Variants in RALGAPA2 observed in about 807,000 individuals in gnomAD.
The protein encoded by RALGAPA2 is Ral GTPase activating protein catalytic subunit alpha 2, also known as ral GTPase-activating protein subunit alpha-2.
RALGAPA2 carries 139 observed loss-of-function variants against 230.4 expected under a neutral mutation model. The ratio of observed to expected loss-of-function variants is 0.60; its 90% CI spans 0.53 to 0.69. RALGAPA2 has a LOEUF of 0.69. Ranked by LOEUF, RALGAPA2 falls within the 30% of genes least tolerant of loss-of-function variation. RALGAPA2 has a pLI of 0.00. For missense variants in RALGAPA2, 2,163 were observed against 2,276.0 expected (o/e 0.95, Z 1.01); for synonymous variants, 847 against 837.8 (o/e 1.01, Z -0.19).
At chr20:20,500,670 T>C (rs903497840) in intron 35 of RALGAPA2, among the ~76,000 whole-genome samples, 3 of 152,218 alleles carry the variant, frequency 2.0e-5, no homozygotes, top group Admixed American at 2.0e-4. Flanking sequence ...CTTGATATCT[T>C]GATCTGTTCC....
intron 38 of RALGAPA2, among the ~76,000 whole-genome samples, chr20:20,397,148 G>C (rs903085275): frequency 1.3e-5 from 2 of 152,220 alleles, no homozygotes; most frequent in African/African-American, 4.8e-5. Context: ...TTCAATGGAT[G>C]ACCTGAAAAA....
intron 37 of RALGAPA2, among the ~76,000 whole-genome samples, chr20:20,436,235 C>T (rs910153556): frequency 6.6e-6 from 1 of 152,140 alleles, no homozygotes; most frequent in African/African-American, 2.4e-5. Flanking sequence ...GCTTCCAGGA[C>T]CCTTCAAATA....
chr20:20,576,277 T>G (rs2064817447), intron 20 of RALGAPA2, among the ~76,000 whole-genome samples: 1 of 152,130 alleles, frequency 6.6e-6, no homozygotes, highest in Non-Finnish European at 1.5e-5. Flanking sequence ...CATTGAGATT[T>G]CCTTAGTTTT....
rs539145662 is a variant in RALGAPA2, at chr20:20,536,398, T to C, written c.3414+258A>G. On this transcript the variant is annotated intron_variant, in intron 25 of 39. Coordinates refer to ENST00000202677, the MANE Select transcript of RALGAPA2 (RefSeq NM_020343.4). ...CAAAGGGCAATTCACTACATGATTATGATCCTTAGGTCCAATAAACAGGTA... is the reference window on the plus strand; with the variant it reads ...CAAAGGGCAATTCACTACATGATTACGATCCTTAGGTCCAATAAACAGGTA... 3.3e-5 allele frequency among the ~76,000 whole-genome samples: 5 copies of C among 152,362 alleles called. No individual in the cohort carries two copies. The East Asian group carries it at 7.7e-4, about 23-fold the overall frequency.
chr20:20,490,150 T>G (rs940793624), intron 36 of RALGAPA2, among the ~76,000 whole-genome samples: 1 of 152,204 alleles, frequency 6.6e-6, no homozygotes, highest in African/African-American at 2.4e-5. Context: ...ATAAACGTTC[T>G]TTAGTATTCT....
At chr20:20,651,236 A>G (rs2067384957) in intron 4 of RALGAPA2, among the ~76,000 whole-genome samples, 1 of 152,222 alleles carries the variant, frequency 6.6e-6, no homozygotes. Context: ...AGTAAAGATC[A>G]CTGTAGAAGC....
At chr20:20,669,688 T>C (rs1408123716) in intron 3 of RALGAPA2, among the ~76,000 whole-genome samples, 1 of 152,226 alleles carries the variant, frequency 6.6e-6, no homozygotes, top group African/African-American at 2.4e-5. Context: ...GTCGCTCCCT[T>C]TCCTCTTTGC....
chr20:20,659,243 C>G (rs1278296298), intron 3 of RALGAPA2, among the ~76,000 whole-genome samples: 1 of 152,154 alleles, frequency 6.6e-6, no homozygotes, highest in Non-Finnish European at 1.5e-5. Context: ...GCATAGCAGC[C>G]CAGCTGCATA....
At chr20:20,427,794 T>C (rs2060418288) in intron 37 of RALGAPA2, among the ~76,000 whole-genome samples, 2 of 151,648 alleles carry the variant, frequency 1.3e-5, no homozygotes, top group Admixed American at 6.6e-5. Context: ...GATTTTTTTT[T>C]TTTGTAAGGG....
At chr20:20,586,538 G>T (rs1306759011) in intron 18 of RALGAPA2, among the ~76,000 whole-genome samples, 1 of 152,108 alleles carries the variant, frequency 6.6e-6, no homozygotes, top group Non-Finnish European at 1.5e-5. Context: ...ATCCCCCAAG[G>T]ATTTCAGATA....
At chr20:20,520,515 C>A (rs1390350978) in intron 31 of RALGAPA2, among the ~76,000 whole-genome samples, 2 of 152,126 alleles carry the variant, frequency 1.3e-5, no homozygotes, top group Non-Finnish European at 2.9e-5. Context: ...TCTATGAGCT[C>A]CTTTCAACAC....
intron 36 of RALGAPA2, among the ~76,000 whole-genome samples, chr20:20,481,909 C>T (rs1290162167): frequency 1.3e-5 from 2 of 151,950 alleles, no homozygotes; most frequent in Middle Eastern, 3.2e-3. Flanking sequence ...CTACCAACCC[C>T]GAAAGCGTGT....
rs2069745641 is a variant in RALGAPA2, at chr20:20,709,295, G to A, written c.106+3080C>T. 1.3e-5 allele frequency among the ~76,000 whole-genome samples: 2 copies of A among 152,062 alleles called. 1 individual carries two copies. Among genetic ancestry groups the A allele is most frequent in the South Asian group, 4.2e-4 (2 of 4,792 alleles). On this transcript the variant is annotated intron_variant, in intron 1 of 39. Transcript: ENST00000202677. ...GACGGCACCACTGCACTCCAGCGTG[G>A]GTAACAGAGTGAGACTCCATCTCAA...
chr20:20,630,630 C>T (rs1307493960), intron 9 of RALGAPA2, among the ~76,000 whole-genome samples: 1 of 152,178 alleles, frequency 6.6e-6, no homozygotes, highest in Non-Finnish European at 1.5e-5. Flanking sequence ...CTATCTTCCA[C>T]AGGAAAATAA....
intron 13 of RALGAPA2, among the ~76,000 whole-genome samples, chr20:20,614,392 G>A (rs905019912): frequency 6.6e-6 from 1 of 151,978 alleles, no homozygotes; most frequent in Non-Finnish European, 1.5e-5. Flanking sequence ...AAAACTCAGG[G>A]AGTTTTCAAA....
chr20:20,452,608 C>A (rs1028038042), intron 37 of RALGAPA2, among the ~76,000 whole-genome samples: 1 of 152,006 alleles, frequency 6.6e-6, no homozygotes, highest in Admixed American at 6.6e-5. Flanking sequence ...CAAGCGGCAA[C>A]GGCCCAGCGA....
At chr20:20,583,295 A>G (rs2065041403) in intron 19 of RALGAPA2, 69 bp from the exon 20 acceptor site, 1 of 1,440,454 alleles carries the variant, frequency 6.9e-7, no homozygotes, top group Admixed American at 2.1e-5. Context: ...ACAATTACTG[A>G]TACGAAAGTA....
Position 20,572,053 on chromosome 20 carries a change from A to T in RALGAPA2, c.2902-107T>A, listed in dbSNP as rs116458243. The T allele has an allele frequency of 2.5e-3, 1,814 of 718,596 alleles. 29 individuals are homozygous for T. In the African/African-American group the frequency reaches 0.028, roughly 11 times the overall value. 44.5% of individuals were successfully genotyped at this position (718,596 alleles called of 1,614,324 possible). A position where few individuals can be genotyped will look rare whatever the true frequency, so the allele number is the denominator to read the frequency against. ...TAGCTGCTTTCAGTTAATTTCTATA[A>T]GTGAAAACCTGTAATATTTACAAGT... On this transcript the variant is annotated intron_variant, in intron 21 of 39. Transcript: ENST00000202677.
At position 20,609,900 on chromosome 20, in the gene RALGAPA2, CAAGGCA is replaced by C. The variant is rs2065928469; in HGVS notation, c.1800+1409_1800+1414del. Among the ~76,000 whole-genome samples the C allele has an allele frequency of 4.6e-5, 7 of 152,292 alleles. No individual in the cohort carries two copies. The South Asian group carries it at 1.2e-3, about 27-fold the overall frequency. ...CACTTCACACATCCAATGTACCAGG[CAAGGCA>C]ATCAGAGTAAAAGCAATTGTAATAT... On this transcript the variant is annotated intron_variant, in intron 14 of 39. Coordinates refer to ENST00000202677, the MANE Select transcript of RALGAPA2 (RefSeq NM_020343.4).
Sources: gnomAD v4.1 joint callset for allele counts (sites outside exome capture counted in the v4.1 genomes callset) on GRCh38, gnomAD v4.1.1 for gene constraint, MANE v1.5 for transcripts, NCBI Gene and HGNC (gene_info 2026-07-23, HGNC 2026-07-21) for gene names.